Variants in UBE2G1 observed in about 807,000 individuals in gnomAD.
UBE2G1 encodes ubiquitin conjugating enzyme E2 G1, also known as ubiquitin-conjugating enzyme E2 G1.
A neutral mutation model predicts 22.7 loss-of-function variants in UBE2G1; 5 were observed. That is an observed-to-expected ratio of 0.22 (90% CI 0.12 to 0.46). The LOEUF (loss-of-function observed/expected upper bound fraction) is 0.46. Ranked by LOEUF, UBE2G1 falls within the 20% of genes least tolerant of loss-of-function variation. The probability of loss-of-function intolerance (pLI) is 0.99; values close to 1 mark genes in which losing one functional copy is unlikely to be tolerated. For synonymous variants in UBE2G1, 74 were observed against 67.5 expected (o/e 1.10, Z -0.47); for missense variants, 88 against 203.9 (o/e 0.43, Z 3.46).
At chr17:4,327,727 G>A (rs1969518969) in intron 1 of UBE2G1, among the ~76,000 whole-genome samples, 1 of 152,144 alleles carries the variant, frequency 6.6e-6, no homozygotes, top group South Asian at 2.1e-4. Context: ...ACCTCCTTGT[G>A]TGGCAGGTCC....
In UBE2G1 at chr17:4,356,469, T is replaced by A. The variant is rs1208882681; in HGVS notation, c.46+9802A>T. 2.0e-5 allele frequency among the ~76,000 whole-genome samples: 3 copies of A among 152,360 alleles called. No individual in the cohort carries two copies. In the South Asian group the frequency reaches 6.2e-4, roughly 32 times the overall value. ...CAATTACCTTTGCGTTCCCGCAGCA[T>A]CTCAATACAACGGCATATAAGGGCT... On this transcript the variant is annotated intron_variant, in intron 1 of 5. Transcript: ENST00000396981.
chr17:4,308,131 A>G (rs1041000348), intron 1 of UBE2G1, among the ~76,000 whole-genome samples: 2 of 152,174 alleles, frequency 1.3e-5, no homozygotes, highest in Admixed American at 1.3e-4. Context: ...AGGCAGGTGG[A>G]CCACCTGAGG....
At chr17:4,287,080 A>G (rs905885228) in intron 4 of UBE2G1, among the ~76,000 whole-genome samples, 1 of 149,246 alleles carries the variant, frequency 6.7e-6, no homozygotes, top group Non-Finnish European at 1.5e-5. Context: ...CATAAAATAA[A>G]AAGGGCAACT....
chr17:4,363,088 C>A (rs2143838962), intron 1 of UBE2G1, among the ~76,000 whole-genome samples: 1 of 152,172 alleles, frequency 6.6e-6, no homozygotes, highest in South Asian at 2.1e-4. Context: ...GCCACTGCAC[C>A]CCAGTTTGGG....
chr17:4,325,610 C>T lies in UBE2G1; in HGVS notation c.47-18487G>A, dbSNP rs561681813. On this transcript the variant is annotated intron_variant, in intron 1 of 5. Coordinates refer to ENST00000396981, the MANE Select transcript of UBE2G1 (RefSeq NM_003342.5). ...CAATGTAATCCCTGTATCAAAATCC[C>T]AACAACTTTTGGAAAACCCATCCTA... 1.2e-4 allele frequency among the ~76,000 whole-genome samples: 18 copies of T among 152,254 alleles called. No homozygotes were observed. In the South Asian group the frequency reaches 3.7e-3, roughly 32 times the overall value.
intron 1 of UBE2G1, among the ~76,000 whole-genome samples, chr17:4,332,882 T>G (rs569466006): frequency 3.3e-5 from 5 of 152,268 alleles, no homozygotes; most frequent in African/African-American, 1.2e-4. Flanking sequence ...ACTCCTTATT[T>G]TATCCTCTTT....
intron 2 of UBE2G1, among the ~76,000 whole-genome samples, chr17:4,300,631 A>C (rs1269561519): frequency 6.6e-6 from 1 of 151,980 alleles, no homozygotes; most frequent in African/African-American, 2.4e-5. Flanking sequence ...TATTATCTTC[A>C]TCACAGATGC....
At chr17:4,351,098 C>CT (rs1252127456) in intron 1 of UBE2G1, among the ~76,000 whole-genome samples, 1 of 150,466 alleles carries the variant, frequency 6.6e-6, no homozygotes, top group African/African-American at 2.4e-5. Context: ...ACTCGGGACT[C>CT]TGAGACAGGA....
rs57051928 is a variant in UBE2G1 at position 4,330,976 on chromosome 17, C to CCACACACACACACACACACACA, written c.47-23875_47-23854dup. Among the ~76,000 whole-genome samples the CCACACACACACACACACACACA allele has an allele frequency of 3.8e-3, 539 of 143,646 alleles. 10 individuals are homozygous for CCACACACACACACACACACACA. Among genetic ancestry groups the CCACACACACACACACACACACA allele is most frequent in the African/African-American group, 0.013 (495 of 37,672 alleles). The allele number at this position is 143,646 out of a possible 152,430, so 94.2% of individuals were successfully genotyped here. A position where few individuals can be genotyped will look rare whatever the true frequency, so the allele number is the denominator to read the frequency against. Reference sequence around the variant, plus strand: ...TAATTACTCTTATAAACCTTTAAAACCACACACACACACACACACACACAC... The same window carrying CCACACACACACACACACACACA: ...TAATTACTCTTATAAACCTTTAAAACCACACACACACACACACACACACACACACACACACACACACACACAC... On this transcript the variant is annotated intron_variant, in intron 1 of 5. Transcript: ENST00000396981.
At position 4,300,771 on chromosome 17, in the gene UBE2G1, T is replaced by G. The variant is rs12601676; in HGVS notation, c.150-3957A>C. ...TGAGGTCAGGAGTTCAAGACCAGCATGGCCGAGATGGTGAAATCCCATCTC... is the reference window on the plus strand; with the variant it reads ...TGAGGTCAGGAGTTCAAGACCAGCAGGGCCGAGATGGTGAAATCCCATCTC... On this transcript the variant is annotated intron_variant, in intron 2 of 5. Coordinates refer to ENST00000396981, the MANE Select transcript of UBE2G1 (RefSeq NM_003342.5). 8.4e-4 allele frequency among the ~76,000 whole-genome samples: 127 copies of G among 151,490 alleles called. 2 individuals are homozygous for G. In the East Asian group the frequency reaches 0.023, roughly 27 times the overall value.
intron 1 of UBE2G1, among the ~76,000 whole-genome samples, chr17:4,341,814 T>G (rs1969716354): frequency 6.6e-6 from 1 of 152,160 alleles, no homozygotes. Context: ...TTACCCAAAC[T>G]CTTTTTTGAC....
At chr17:4,357,401 C>G (rs1261193806) in intron 1 of UBE2G1, among the ~76,000 whole-genome samples, 2 of 150,222 alleles carry the variant, frequency 1.3e-5, no homozygotes, top group African/African-American at 4.9e-5. Flanking sequence ...TCAGGACTAT[C>G]AGTGGTTTCA....
At chr17:4,352,900 C>A (rs1969860179) in intron 1 of UBE2G1, among the ~76,000 whole-genome samples, 2 of 152,106 alleles carry the variant, frequency 1.3e-5, no homozygotes, top group South Asian at 2.1e-4. Flanking sequence ...CACGGAGAAA[C>A]CCCGTCTCTA....
chr17:4,300,283 C>T (rs1332973424), intron 2 of UBE2G1, among the ~76,000 whole-genome samples: 1 of 152,184 alleles, frequency 6.6e-6, no homozygotes, highest in South Asian at 2.1e-4. Flanking sequence ...TGGCTCACGC[C>T]TGTAATCCCA....
chr17:4,324,198 C>A (rs925166897), intron 1 of UBE2G1, among the ~76,000 whole-genome samples: 1 of 152,192 alleles, frequency 6.6e-6, no homozygotes. Context: ...TTGCCCCTCC[C>A]CCAAAATGTT....
intron 1 of UBE2G1, among the ~76,000 whole-genome samples, chr17:4,309,325 T>C (rs764621635): frequency 6.6e-6 from 1 of 152,160 alleles, no homozygotes; most frequent in African/African-American, 2.4e-5. Context: ...TGAGGGGAGA[T>C]TTTTATAAGT....
intron 1 of UBE2G1, among the ~76,000 whole-genome samples, chr17:4,343,764 A>G (rs1291728585): frequency 2.0e-5 from 3 of 150,964 alleles, no homozygotes; most frequent in Non-Finnish European, 3.0e-5. Flanking sequence ...AATTTTTTGT[A>G]CTTTAATTAG....
intron 1 of UBE2G1, among the ~76,000 whole-genome samples, chr17:4,315,709 C>T (rs1457590193): frequency 6.7e-6 from 1 of 149,730 alleles, no homozygotes; most frequent in Non-Finnish European, 1.5e-5. Context: ...CACTGCACTC[C>T]AGCCTGGGCG....
rs144808370 is a variant in UBE2G1, at chr17:4,339,774, G to A, written c.46+26497C>T. On this transcript the variant is annotated intron_variant, in intron 1 of 5. Coordinates refer to ENST00000396981, the MANE Select transcript of UBE2G1 (RefSeq NM_003342.5). The stretch of plus-strand genomic sequence containing the variant: ...TGAGGCCACAGAATCACTTGAACCC[G>A]GGAGGTGGAGGTTGCGGTGAGCCGA... Among the ~76,000 whole-genome samples, 25 of 152,066 alleles carry A rather than the reference G, an allele frequency of 1.6e-4. No individual in the cohort carries two copies. In the East Asian group the frequency reaches 2.5e-3, roughly 15 times the overall value.
Sources: gnomAD v4.1 joint callset for allele counts (sites outside exome capture counted in the v4.1 genomes callset) on GRCh38, gnomAD v4.1.1 for gene constraint, MANE v1.5 for transcripts, NCBI Gene and HGNC (gene_info 2026-07-23, HGNC 2026-07-21) for gene names.